The following UFD1 variants were observed in gnomAD, a reference collection of about 807,000 sequenced individuals.
UFD1 encodes the protein ubiquitin recognition factor in ER associated degradation 1.
A neutral mutation model predicts 45.9 loss-of-function variants in UFD1; 13 were observed. The observed-to-expected ratio is 0.28, with a 90% confidence interval of 0.18 to 0.45. The LOEUF is 0.45. Ranked by LOEUF, UFD1 falls within the 20% of genes least tolerant of loss-of-function variation. The pLI is 1.00. For missense variants in UFD1, 218 were observed against 389.2 expected (o/e 0.56, Z 3.70); for synonymous variants, 128 against 139.2 (o/e 0.92, Z 0.56).
intron 9 of UFD1, 97 bp downstream of exon 9, chr22:19,456,490 G>C (rs2089723816): frequency 1.3e-6 from 2 of 1,531,192 alleles, no homozygotes; most frequent in Admixed American, 1.7e-5. Context: ...AACCCCTGCT[G>C]ATGTCCATCG....
In UFD1 at chr22:19,451,066, G is replaced by C. The variant is rs1025286084; in HGVS notation, c.850-322C>G. 8.4e-5 allele frequency: 85 copies of C among 1,006,982 alleles called. No individual in the cohort carries two copies. In the Middle Eastern group the frequency reaches 1.5e-3, roughly 18 times the overall value. 62.4% of individuals were successfully genotyped at this position (1,006,982 alleles called of 1,614,324 possible). Reference sequence around the variant, plus strand: ...TTGAGCCAGGGCCATAGTGAGCTATGATTGTGCCACTGCTCCAGCCTGGAT... The same window carrying C: ...TTGAGCCAGGGCCATAGTGAGCTATCATTGTGCCACTGCTCCAGCCTGGAT... On this transcript the variant is annotated intron_variant, in intron 11 of 11. Coordinates refer to ENST00000263202, the MANE Select transcript of UFD1 (RefSeq NM_005659.7).
In UFD1 at chr22:19,454,923, C is replaced by A. The variant is rs1001450548; in HGVS notation, c.768-93G>T. The A allele has an allele frequency of 2.2e-6, 3 of 1,393,152 alleles. No homozygotes were observed. The Admixed American group carries it at 7.0e-5, about 32-fold the overall frequency. 86.3% of individuals were successfully genotyped at this position (1,393,152 alleles called of 1,614,324 possible). A position where few individuals can be genotyped will look rare whatever the true frequency, so the allele number is the denominator to read the frequency against. Reference sequence around the variant, plus strand: ...AGTCAAGAGGAACGCAGAAAAGATGCTGCTGCACCCCACCTGGGCCCTTTG... The same window carrying A: ...AGTCAAGAGGAACGCAGAAAAGATGATGCTGCACCCCACCTGGGCCCTTTG... On this transcript the variant is annotated intron_variant, in intron 10 of 11. Coordinates refer to ENST00000263202, the MANE Select transcript of UFD1 (RefSeq NM_005659.7).
At chr22:19,451,531 A>C in intron 11 of UFD1, 1 of 985,394 alleles carries the variant, frequency 1.0e-6, no homozygotes, top group Non-Finnish European at 1.2e-6. Context: ...AAAACTGCAC[A>C]TATTTTTTTT....
chr22:19,467,345 C>T (rs1055515000), intron 5 of UFD1: 3 of 154,498 alleles, frequency 1.9e-5, no homozygotes, highest in African/African-American at 7.2e-5. Context: ...AACACATACA[C>T]CTGGCTTAAG....
At position 19,471,421 on chromosome 22, in the gene UFD1, C is replaced by G. The variant is rs989571049; in HGVS notation, c.291+266G>C. On this transcript the variant is annotated intron_variant, in intron 4 of 11. Transcript: ENST00000263202. Reference sequence around the variant, plus strand: ...TTTAAAAACGCCTCACCCAGGAAATCACAGATGAACAGTTCAGCTGCGCAA... The same window carrying G: ...TTTAAAAACGCCTCACCCAGGAAATGACAGATGAACAGTTCAGCTGCGCAA... 2.5e-5 allele frequency: 18 copies of G among 718,712 alleles called. No individual in the cohort carries two copies. The Admixed American group carries it at 3.1e-4, about 13-fold the overall frequency. 44.5% of individuals were successfully genotyped at this position (718,712 alleles called of 1,614,324 possible).
Position 19,475,385 on chromosome 22 carries a change from C to T in UFD1, c.136+85G>A. 3 of 1,558,108 alleles carry T rather than the reference C, an allele frequency of 1.9e-6. No homozygotes were observed. In the South Asian group the frequency reaches 3.5e-5, roughly 18 times the overall value. On this transcript the variant is annotated intron_variant, in intron 2 of 11. Coordinates refer to ENST00000263202, the MANE Select transcript of UFD1 (RefSeq NM_005659.7). ...CAGTAACACTAGCTTCTGACTCCCACATGCAAAGTAAGTACTGTTGAAGGC... is the reference window on the plus strand; with the variant it reads ...CAGTAACACTAGCTTCTGACTCCCATATGCAAAGTAAGTACTGTTGAAGGC...
At chr22:19,470,603 G>C in intron 4 of UFD1, 1 of 387,878 alleles carries the variant, frequency 2.6e-6, no homozygotes, top group Non-Finnish European at 5.1e-6. Flanking sequence ...CACCACACCC[G>C]GCTAGTCTTT....
intron 4 of UFD1, chr22:19,470,595 C>T (rs2089837296): frequency 2.6e-6 from 1 of 378,452 alleles, no homozygotes; most frequent in South Asian, 2.0e-5. Flanking sequence ...GCACGTGCCA[C>T]CACACCCGGC....
intron 1 of UFD1, among the ~76,000 whole-genome samples, chr22:19,477,845 T>C (rs1387532900): frequency 6.6e-6 from 1 of 152,210 alleles, no homozygotes; most frequent in Non-Finnish European, 1.5e-5. Context: ...ACATAGCATG[T>C]TCCCGCCTAA....
At chr22:19,461,708 G>A (rs2089767898) in intron 6 of UFD1, among the ~76,000 whole-genome samples, 1 of 152,114 alleles carries the variant, frequency 6.6e-6, no homozygotes, top group Admixed American at 6.6e-5. Context: ...TTTATTGCTT[G>A]AGTGTGAGGA....
intron 1 of UFD1, among the ~76,000 whole-genome samples, chr22:19,477,996 A>T (rs1185387208): frequency 1.3e-5 from 2 of 152,194 alleles, no homozygotes; most frequent in Admixed American, 1.3e-4. Flanking sequence ...TGGGTGAACA[A>T]GGCCAGAACA....
chr22:19,466,254 C>T (rs1487713153), intron 5 of UFD1: 1 of 152,312 alleles, frequency 6.6e-6, no homozygotes, highest in African/African-American at 2.4e-5. Flanking sequence ...GGCATCTTCT[C>T]TGACTTCCAC....
At chr22:19,474,593 G>A (rs1423589811) in intron 3 of UFD1, among the ~76,000 whole-genome samples, 1 of 152,084 alleles carries the variant, frequency 6.6e-6, no homozygotes, top group Non-Finnish European at 1.5e-5. Flanking sequence ...TGGGGGTCTG[G>A]AGCTCAGGAA....
intron 6 of UFD1, among the ~76,000 whole-genome samples, chr22:19,463,047 T>C (rs2146296451): frequency 6.6e-6 from 1 of 152,356 alleles, no homozygotes; most frequent in East Asian, 1.9e-4. Context: ...CCTGCTTACC[T>C]CTCTGTATTT....
intron 7 of UFD1, among the ~76,000 whole-genome samples, chr22:19,457,852 A>T (rs1455844407): frequency 6.6e-6 from 1 of 152,148 alleles, no homozygotes; most frequent in Non-Finnish European, 1.5e-5. Flanking sequence ...GGTCAGAGCT[A>T]ACCATGGCAG....
intron 6 of UFD1, among the ~76,000 whole-genome samples, chr22:19,459,864 A>G (rs1490147109): frequency 6.7e-6 from 1 of 149,690 alleles, no homozygotes; most frequent in Non-Finnish European, 1.5e-5. Context: ...TCAGCCTCCC[A>G]AGTAACTGGG....
chr22:19,479,029 ACCTCAGGCCCCGGG>A (rs779505912), intron 1 of UFD1, 40 bp downstream of exon 1: 33 of 1,565,252 alleles, frequency 2.1e-5, no homozygotes, highest in Non-Finnish European at 2.7e-5. Context: ...GCCGGGCCCT[ACCTCAGGCCCCGGG>A]CCAAGGCCCA....
rs2089718925 is a variant in UFD1, at chr22:19,455,845, G to C, written c.679-77C>G. ...TGTCCTTTGCTTGGAGATCACTGCA[G>C]GGATGTGAGCTGGGGGTGCTGTGCA... On this transcript the variant is annotated intron_variant, in intron 9 of 11. Transcript: ENST00000263202. 36 of 1,392,796 alleles carry C rather than the reference G, an allele frequency of 2.6e-5. No individual in the cohort carries two copies. The South Asian group carries it at 3.5e-4, about 13-fold the overall frequency. 86.3% of individuals were successfully genotyped at this position (1,392,796 alleles called of 1,614,324 possible).
At chr22:19,471,830 T>C (rs759082064) in intron 3 of UFD1, 22 bp from the exon 4 acceptor site, 30 of 1,610,022 alleles carry the variant, frequency 1.9e-5, no homozygotes, top group Non-Finnish European at 2.5e-5. Flanking sequence ...AGAGAGACTA[T>C]GAGGCACAGC....
Sources: allele counts gnomAD v4.1 joint callset (sites outside exome capture counted in the v4.1 genomes callset), GRCh38; gene constraint gnomAD v4.1.1; transcripts MANE v1.5; gene names NCBI Gene and HGNC (gene_info 2026-07-23, HGNC 2026-07-21).